The following ANKS1B variants were observed in gnomAD, a reference collection of about 807,000 sequenced individuals.
ANKS1B encodes ankyrin repeat and sterile alpha motif domain containing 1B, also known as ankyrin repeat and sterile alpha motif domain-containing protein 1B.
In ANKS1B, 36 loss-of-function variants were observed where a neutral mutation model predicts 148.3. The observed-to-expected ratio is 0.24, with a 90% CI of 0.19 to 0.32. The LOEUF is 0.32. Among genes scored for constraint, ANKS1B ranks in the 10% least tolerant of loss-of-function variants. ANKS1B has a pLI of 1.00. For synonymous variants in ANKS1B, 542 were observed against 560.8 expected (o/e 0.97, Z 0.47); for missense variants, 1,157 against 1,542.6 (o/e 0.75, Z 4.19).
chr12:99,221,815 T>C (rs572308553), intron 14 of ANKS1B, among the ~76,000 whole-genome samples: 6 of 152,166 alleles, frequency 3.9e-5, no homozygotes, highest in Non-Finnish European at 8.8e-5. Context: ...AATTTAACTT[T>C]TGGGAATGTA....
chr12:98,919,109 T>G (rs1467044993), intron 17 of ANKS1B, among the ~76,000 whole-genome samples: 1 of 152,236 alleles, frequency 6.6e-6, no homozygotes, highest in African/African-American at 2.4e-5. Context: ...AAAAAAATCT[T>G]TTTCTGTTTT....
At chr12:99,828,614 G>T (rs1004575580) in intron 1 of ANKS1B, among the ~76,000 whole-genome samples, 5 of 152,064 alleles carry the variant, frequency 3.3e-5, no homozygotes, top group African/African-American at 1.2e-4. Flanking sequence ...TTCAAAAACA[G>T]TTATCATTAA....
chr12:99,534,761 G>T (rs1163877066), intron 9 of ANKS1B, among the ~76,000 whole-genome samples: 1 of 146,014 alleles, frequency 6.8e-6, no homozygotes, highest in East Asian at 2.0e-4. Flanking sequence ...CCAGGCTGGG[G>T]TGCAGTGGCA....
chr12:99,124,767 C>T (rs1600524815), intron 15 of ANKS1B, among the ~76,000 whole-genome samples: 1 of 151,902 alleles, frequency 6.6e-6, no homozygotes, highest in African/African-American at 2.4e-5. Flanking sequence ...AAGGAATGGC[C>T]TGCAAGATGG....
intron 9 of ANKS1B, among the ~76,000 whole-genome samples, chr12:99,611,372 T>C (rs1366064707): frequency 6.6e-6 from 1 of 152,116 alleles, no homozygotes; most frequent in African/African-American, 2.4e-5. Context: ...ATCATCACTT[T>C]GTAATTTAAA....
At chr12:98,871,891 C>T (rs183892887) in intron 17 of ANKS1B, among the ~76,000 whole-genome samples, 126 of 152,244 alleles carry the variant, frequency 8.3e-4, no homozygotes, top group African/African-American at 2.7e-3. Context: ...TGTACACTGT[C>T]ACATGTCCCA....
intron 8 of ANKS1B, among the ~76,000 whole-genome samples, chr12:99,701,057 A>C (rs976252836): frequency 1.3e-5 from 2 of 152,190 alleles, no homozygotes; most frequent in Non-Finnish European, 2.9e-5. Context: ...AAGAAACAAC[A>C]CATTATAGTT....
intron 17 of ANKS1B, among the ~76,000 whole-genome samples, chr12:99,032,756 A>AT (rs1308302641): frequency 1.3e-5 from 2 of 152,032 alleles, no homozygotes; most frequent in Admixed American, 6.6e-5. Context: ...ATGAACTTTG[A>AT]TTTTTTTAAG....
intron 17 of ANKS1B, among the ~76,000 whole-genome samples, chr12:99,014,688 C>T (rs2099941363): frequency 6.6e-6 from 1 of 152,090 alleles, no homozygotes. Context: ...AAAATACAAA[C>T]AACTCCATAA....
intron 10 of ANKS1B, among the ~76,000 whole-genome samples, chr12:99,478,257 T>C (rs1166616196): frequency 6.6e-6 from 1 of 152,134 alleles, no homozygotes; most frequent in African/African-American, 2.4e-5. Context: ...TGGTTACATG[T>C]TTTTGTAAAT....
chr12:99,648,176 T>C (rs759710522), intron 9 of ANKS1B: 3 of 1,610,096 alleles, frequency 1.9e-6, no homozygotes, highest in South Asian at 1.1e-5. Flanking sequence ...AAGGAAGACA[T>C]GGAGGACTGC....
At chr12:99,138,418 T>C (rs561250867) in intron 15 of ANKS1B, among the ~76,000 whole-genome samples, 3 of 152,350 alleles carry the variant, frequency 2.0e-5, no homozygotes, top group African/African-American at 7.2e-5. Flanking sequence ...TGGGCTTGTT[T>C]GGAGAGATAC....
chr12:99,766,901 GATA>G (rs1229227969), intron 8 of ANKS1B, among the ~76,000 whole-genome samples: 3 of 152,018 alleles, frequency 2.0e-5, no homozygotes, highest in Non-Finnish European at 4.4e-5. Context: ...ATGCATTCCT[GATA>G]ATAAGCTCTA....
In ANKS1B at chr12:99,099,317, C is replaced by T. The variant is rs145818834; in HGVS notation, c.2527-14294G>A. The stretch of plus-strand genomic sequence containing the variant: ...GATGAAGAGATTTAAAAATCCTTTG[C>T]GGGGTGGGGGTCCCCTGTCTGCTAT... On this transcript the variant is annotated intron_variant, in intron 15 of 26. Transcript: ENST00000683438. Among the ~76,000 whole-genome samples, 1,383 of 152,296 alleles carry T rather than the reference C, an allele frequency of 9.1e-3. 9 individuals carry two copies. Among genetic ancestry groups the T allele is most frequent in the Middle Eastern group, 0.014 (4 of 294 alleles).
intron 9 of ANKS1B, among the ~76,000 whole-genome samples, chr12:99,516,067 T>C (rs1033078167): frequency 6.6e-6 from 1 of 152,108 alleles, no homozygotes; most frequent in East Asian, 1.9e-4. Context: ...TTATCACCTG[T>C]CAGATTATTA....
At chr12:99,557,090 C>G (rs1388156238) in intron 9 of ANKS1B, among the ~76,000 whole-genome samples, 1 of 152,130 alleles carries the variant, frequency 6.6e-6, no homozygotes, top group Non-Finnish European at 1.5e-5. Context: ...TTTTCTCTAG[C>G]TGCCTTTAAC....
At chr12:99,347,726 G>A (rs1713181925) in intron 12 of ANKS1B, among the ~76,000 whole-genome samples, 1 of 151,854 alleles carries the variant, frequency 6.6e-6, no homozygotes, top group Non-Finnish European at 1.5e-5. Context: ...ACAAAAACTT[G>A]GGGACAAGAA....
intron 9 of ANKS1B, 128 bp from the exon 10 acceptor site, chr12:99,504,769 G>T: frequency 3.0e-6 from 2 of 666,266 alleles, no homozygotes; most frequent in Non-Finnish European, 4.8e-6. Context: ...TGATTCATCT[G>T]TTTGAATAAA....
At chr12:99,327,419 T>A (rs1325503789) in intron 12 of ANKS1B, among the ~76,000 whole-genome samples, 2 of 128,138 alleles carry the variant, frequency 1.6e-5, no homozygotes, top group African/African-American at 5.7e-5. Context: ...TAATTATATA[T>A]TATATTGTCT....
Sources: allele counts gnomAD v4.1 joint callset (sites outside exome capture counted in the v4.1 genomes callset), GRCh38; gene constraint gnomAD v4.1.1; transcripts MANE v1.5; gene names NCBI Gene and HGNC (gene_info 2026-07-23, HGNC 2026-07-21).